Variants in PTPRD observed in about 807,000 individuals in gnomAD.
PTPRD encodes the protein receptor-type tyrosine-protein phosphatase delta.
In PTPRD, 34 loss-of-function variants were observed where a neutral mutation model predicts 214.5. That is an observed-to-expected ratio of 0.16 (90% CI 0.12 to 0.21). PTPRD has a LOEUF of 0.21. PTPRD is among the 10% of genes least tolerant of loss of function. The pLI, the probability that PTPRD is intolerant of heterozygous loss-of-function variation, is 1.00. For synonymous variants in PTPRD, 1,128 were observed against 845.7 expected (o/e 1.33, Z -5.79); for missense variants, 2,545 against 2,398.7 (o/e 1.06, Z -1.27).
chr9:8,567,971 A>G (rs778394612), intron 14 of PTPRD, among the ~76,000 whole-genome samples: 63 of 152,286 alleles, frequency 4.1e-4, no homozygotes, highest in African/African-American at 4.1e-4. Context: ...ATATTTAGAA[A>G]TGAGACCTTA....
intron 4 of PTPRD, among the ~76,000 whole-genome samples, chr9:9,995,119 ATAT>A (rs1470648964): frequency 1.3e-5 from 2 of 152,142 alleles, no homozygotes; most frequent in Non-Finnish European, 2.9e-5. Flanking sequence ...AAAGGGAAAA[ATAT>A]TATTCTGGCT....
rs186199191 is a variant in PTPRD at position 8,794,931 on chromosome 9, A to G, written c.-103-60985T>C. Among the ~76,000 whole-genome samples, 308 of 152,160 alleles carry G rather than the reference A, an allele frequency of 2.0e-3. 1 individual carries two copies. Among genetic ancestry groups the G allele is most frequent in the African/African-American group, 7.0e-3 (290 of 41,544 alleles). ...AATGAGTGACAGTATACAAAGGAAC[A>G]TAAGTCAATTTTTTTGTACTGCTGA... On this transcript the variant is annotated intron_variant, in intron 11 of 45. Coordinates refer to ENST00000381196, the MANE Select transcript of PTPRD (RefSeq NM_002839.4).
At chr9:10,239,003 T>C (rs2099638077) in intron 3 of PTPRD, among the ~76,000 whole-genome samples, 1 of 151,902 alleles carries the variant, frequency 6.6e-6, no homozygotes, top group Admixed American at 6.6e-5. Flanking sequence ...ATGTCCAATA[T>C]GGTTTTGAAT....
At chr9:10,306,329 C>T (rs940111725) in intron 3 of PTPRD, among the ~76,000 whole-genome samples, 1 of 151,744 alleles carries the variant, frequency 6.6e-6, no homozygotes, top group Non-Finnish European at 1.5e-5. Context: ...ATGTAGATTG[C>T]GGGTTGATTG....
chr9:9,368,402 A>C (rs1350742559), intron 9 of PTPRD, among the ~76,000 whole-genome samples: 2 of 151,976 alleles, frequency 1.3e-5, no homozygotes, highest in Middle Eastern at 3.4e-3. Context: ...CCTTGTTAGG[A>C]ATCTACATTT....
At position 10,421,034 on chromosome 9, in the gene PTPRD, C is replaced by T. The variant is rs183688998; in HGVS notation, c.-599-80017G>A. 3.8e-3 allele frequency among the ~76,000 whole-genome samples: 576 copies of T among 151,902 alleles called. 3 individuals are homozygous for T. Among genetic ancestry groups the T allele is most frequent in the African/African-American group, 0.011 (449 of 41,492 alleles). On this transcript the variant is annotated intron_variant, in intron 2 of 45. Coordinates refer to ENST00000381196, the MANE Select transcript of PTPRD (RefSeq NM_002839.4). ...AAGACAAAGAATTTCTTGGGCCATA[C>T]ATAAAATACACTAACACTAACAATA...
At chr9:10,203,170 T>C (rs2099439461) in intron 3 of PTPRD, among the ~76,000 whole-genome samples, 1 of 117,188 alleles carries the variant, frequency 8.5e-6, no homozygotes, top group Non-Finnish European at 1.7e-5. Context: ...CCTCTCTCTC[T>C]TTTTTTTTTT....
chr9:8,395,963 C>T (rs936130488), intron 36 of PTPRD, among the ~76,000 whole-genome samples: 1 of 152,014 alleles, frequency 6.6e-6, no homozygotes, highest in African/African-American at 2.4e-5. Flanking sequence ...AGACCTTAGG[C>T]CACTGAAGCT....
At chr9:9,903,768 C>T (rs2153813504) in intron 5 of PTPRD, among the ~76,000 whole-genome samples, 1 of 152,198 alleles carries the variant, frequency 6.6e-6, no homozygotes, top group Non-Finnish European at 1.5e-5. Flanking sequence ...AAGTTTTTCA[C>T]TGGATCATCT....
intron 2 of PTPRD, among the ~76,000 whole-genome samples, chr9:10,551,833 A>G (rs2061430935): frequency 6.6e-6 from 1 of 152,146 alleles, no homozygotes; most frequent in Non-Finnish European, 1.5e-5. Flanking sequence ...CAGAAAAAAA[A>G]CTAGTGAAAA....
At chr9:10,302,286 C>A (rs1412481793) in intron 3 of PTPRD, among the ~76,000 whole-genome samples, 1 of 152,164 alleles carries the variant, frequency 6.6e-6, no homozygotes, top group Non-Finnish European at 1.5e-5. Flanking sequence ...TGGAAGGGAA[C>A]AACTGGTACC....
chr9:9,490,077 T>C (rs1329375176), intron 8 of PTPRD, among the ~76,000 whole-genome samples: 1 of 152,076 alleles, frequency 6.6e-6, no homozygotes, highest in African/African-American at 2.4e-5. Flanking sequence ...TCAAAAACTA[T>C]AGATGCCAGA....
At chr9:8,705,309 C>T (rs751030744) in intron 12 of PTPRD, among the ~76,000 whole-genome samples, 2 of 152,168 alleles carry the variant, frequency 1.3e-5, no homozygotes, top group African/African-American at 2.4e-5. Flanking sequence ...CAACCTCCGC[C>T]TCTGGGATTC....
intron 35 of PTPRD, among the ~76,000 whole-genome samples, chr9:8,413,191 AT>A (rs1247575825): frequency 3.3e-5 from 5 of 152,188 alleles, no homozygotes; most frequent in Non-Finnish European, 2.9e-5. Flanking sequence ...ACATAGATGT[AT>A]TTTAGGCTTT....
intron 9 of PTPRD, among the ~76,000 whole-genome samples, chr9:9,293,623 C>G (rs137973303): frequency 6.6e-6 from 1 of 151,400 alleles, no homozygotes; most frequent in African/African-American, 2.4e-5. Context: ...AAGAAATATA[C>G]GTATATACCG....
intron 2 of PTPRD, among the ~76,000 whole-genome samples, chr9:10,384,858 A>C (rs1249814082): frequency 6.6e-6 from 1 of 151,796 alleles, no homozygotes; most frequent in African/African-American, 2.4e-5. Flanking sequence ...ACGATGTATA[A>C]AATTGTTCTT....
intron 6 of PTPRD, among the ~76,000 whole-genome samples, chr9:9,745,710 G>A (rs537504447): frequency 2.0e-5 from 3 of 152,206 alleles, no homozygotes; most frequent in South Asian, 2.1e-4. Flanking sequence ...CTAGCCCTTT[G>A]CCTACCTTTC....
intron 12 of PTPRD, among the ~76,000 whole-genome samples, chr9:8,643,662 C>T (rs1049225008): frequency 3.9e-5 from 6 of 152,208 alleles, no homozygotes; most frequent in African/African-American, 7.2e-5. Flanking sequence ...GAGTTGAGGC[C>T]GAGCCTAGGT....
intron 11 of PTPRD, among the ~76,000 whole-genome samples, chr9:8,787,456 C>A (rs2096033005): frequency 6.6e-6 from 1 of 152,086 alleles, no homozygotes; most frequent in Non-Finnish European, 1.5e-5. Context: ...CTCATTTTCC[C>A]CCAGTTGACA....
Sources: gnomAD v4.1 joint callset for allele counts (sites outside exome capture counted in the v4.1 genomes callset) on GRCh38, gnomAD v4.1.1 for gene constraint, MANE v1.5 for transcripts, NCBI Gene and HGNC (gene_info 2026-07-23, HGNC 2026-07-21) for gene names.